VTI1A: variants seen among roughly 807,000 people sequenced by gnomAD.
The protein encoded by VTI1A is vesicle transport through interaction with t-SNAREs 1A.
In VTI1A, 22 loss-of-function variants were observed where a neutral mutation model predicts 34.9. The observed-to-expected ratio is 0.63, with a 90% CI of 0.45 to 0.90. The LOEUF (loss-of-function observed/expected upper bound fraction) is 0.90, where lower values mean the gene tolerates loss of function less well. VTI1A is among the 40% of genes least tolerant of loss of function. The pLI is 0.00. For missense variants in VTI1A, 268 were observed against 275.6 expected (o/e 0.97, Z 0.20); for synonymous variants, 87 against 97.3 (o/e 0.89, Z 0.62).
intron 3 of VTI1A, among the ~76,000 whole-genome samples, chr10:112,490,655 C>G (rs1317261696): frequency 6.8e-6 from 1 of 147,938 alleles, no homozygotes; most frequent in East Asian, 1.9e-4. Flanking sequence ...TGGCTCCTTT[C>G]CTTGATTGGC....
At chr10:112,725,121 G>A (rs1192685982) in intron 7 of VTI1A, among the ~76,000 whole-genome samples, 1 of 152,194 alleles carries the variant, frequency 6.6e-6, no homozygotes. Context: ...TTCACAAATA[G>A]CTGGACGGTT....
chr10:112,849,258 G>A, the VTI1A span, among the ~76,000 whole-genome samples: 2 of 152,372 alleles, frequency 1.3e-5, no homozygotes, highest in African/African-American at 4.8e-5. Flanking sequence ...ACTCCAAGTG[G>A]TGGCAGTGCC....
chr10:112,676,216 C>A (rs551259047), intron 7 of VTI1A, among the ~76,000 whole-genome samples: 2 of 151,302 alleles, frequency 1.3e-5, no homozygotes, highest in Non-Finnish European at 2.9e-5. Flanking sequence ...ATAATAAATC[C>A]CATCATCCTT....
chr10:112,737,016 GT>G, intron 7 of VTI1A: 1 of 527,278 alleles, frequency 1.9e-6, no homozygotes, highest in Non-Finnish European at 3.4e-6. Context: ...TTATGATTCT[GT>G]AATAATCAAG....
intron 5 of VTI1A, among the ~76,000 whole-genome samples, chr10:112,626,645 G>T (rs562160789): frequency 6.6e-6 from 1 of 151,878 alleles, no homozygotes; most frequent in Non-Finnish European, 1.5e-5. Flanking sequence ...AACTCTAGCC[G>T]CTTACAAAGG....
intron 5 of VTI1A, among the ~76,000 whole-genome samples, chr10:112,646,224 A>C (rs773271531): frequency 6.6e-6 from 1 of 152,140 alleles, no homozygotes; most frequent in Non-Finnish European, 1.5e-5. Context: ...TATTATGTGC[A>C]TTCTGAAAAA....
intron 7 of VTI1A, among the ~76,000 whole-genome samples, chr10:112,733,120 T>A (rs912592684): frequency 4.6e-5 from 7 of 152,258 alleles, no homozygotes; most frequent in Admixed American, 2.0e-4. Context: ...AGGAGATTCC[T>A]GGCACGTTCA....
intron 7 of VTI1A, among the ~76,000 whole-genome samples, chr10:112,684,056 A>AG (rs891474321): frequency 2.6e-5 from 4 of 152,072 alleles, no homozygotes; most frequent in East Asian, 3.9e-4. Context: ...AAAAAAAAAA[A>AG]CACCTCTTAT....
chr10:112,838,595 A>C, the VTI1A span, among the ~76,000 whole-genome samples: 1 of 152,088 alleles, frequency 6.6e-6, no homozygotes, highest in Non-Finnish European at 1.5e-5. Flanking sequence ...AGTAGGCAGG[A>C]CGGGAAGGAA....
intron 1 of VTI1A, among the ~76,000 whole-genome samples, chr10:112,453,462 AAG>A (rs77464720): frequency 0.3 from 46,017 of 151,996 alleles, 7,138 homozygotes; most frequent in African/African-American, 0.38. Context: ...TCTTTTATGT[AAG>A]AGAGATTTAT....
At chr10:112,697,399 CTT>C (rs57723783) in intron 7 of VTI1A, among the ~76,000 whole-genome samples, 3 of 114,026 alleles carry the variant, frequency 2.6e-5, no homozygotes, top group African/African-American at 4.1e-5. Context: ...CTTTTCTTTT[CTT>C]TTTTTTTTTT....
At chr10:112,645,850 CATTTATTT>C (rs1271744946) in intron 5 of VTI1A, among the ~76,000 whole-genome samples, 1 of 151,164 alleles carries the variant, frequency 6.6e-6, no homozygotes, top group Non-Finnish European at 1.5e-5. Flanking sequence ...TTCACTTGAT[CATTTATTT>C]ATTTATCCAT....
intron 5 of VTI1A, among the ~76,000 whole-genome samples, chr10:112,626,523 T>A (rs1405734327): frequency 6.6e-6 from 1 of 152,070 alleles, no homozygotes; most frequent in Non-Finnish European, 1.5e-5. Flanking sequence ...GACTACATCT[T>A]AATCTTCTTT....
In VTI1A at chr10:112,505,146, G is replaced by T. The variant is rs1214003354; in HGVS notation, c.265-21941G>T. Among the ~76,000 whole-genome samples the T allele has an allele frequency of 2.6e-5, 4 of 151,934 alleles. No homozygotes were observed. In the East Asian group the frequency reaches 7.7e-4, roughly 29 times the overall value. On this transcript the variant is annotated intron_variant, in intron 3 of 7. Coordinates refer to ENST00000393077, the MANE Select transcript of VTI1A (RefSeq NM_145206.4). ...GAACATTTTTGTTTTTTATATAGTTGAAATTATTACTCTTATATAGTTATG... is the reference window on the plus strand; with the variant it reads ...GAACATTTTTGTTTTTTATATAGTTTAAATTATTACTCTTATATAGTTATG...
At chr10:112,620,477 G>A (rs1316873129) in intron 5 of VTI1A, among the ~76,000 whole-genome samples, 1 of 152,048 alleles carries the variant, frequency 6.6e-6, no homozygotes, top group Admixed American at 6.6e-5. Context: ...GACTTGTGGC[G>A]GGGGCCAGTT....
chr10:112,701,520 A>G (rs1849009550), intron 7 of VTI1A, among the ~76,000 whole-genome samples: 1 of 152,212 alleles, frequency 6.6e-6, no homozygotes, highest in Non-Finnish European at 1.5e-5. Context: ...GCATTTCCCT[A>G]TGTTGAGGCT....
chr10:112,722,485 T>G (rs1379837535), intron 7 of VTI1A, among the ~76,000 whole-genome samples: 1 of 152,148 alleles, frequency 6.6e-6, no homozygotes, highest in East Asian at 1.9e-4. Flanking sequence ...ATTGTGCACA[T>G]GTACCCTAGA....
chr10:112,700,138 A>G (rs1271392823), intron 7 of VTI1A, among the ~76,000 whole-genome samples: 1 of 139,266 alleles, frequency 7.2e-6, no homozygotes, highest in East Asian at 1.9e-4. Flanking sequence ...AAAAAAAACA[A>G]AACAAAAAAA....
intron 4 of VTI1A, 33 bp downstream of exon 4, chr10:112,527,197 G>A (rs1198675762): frequency 6.2e-7 from 1 of 1,604,662 alleles, no homozygotes; most frequent in South Asian, 1.1e-5. Context: ...CCGGTGGGTG[G>A]CTGGAGGGTG....
Sources: gnomAD v4.1 joint callset for allele counts (sites outside exome capture counted in the v4.1 genomes callset) on GRCh38, gnomAD v4.1.1 for gene constraint, MANE v1.5 for transcripts, NCBI Gene and HGNC (gene_info 2026-07-23, HGNC 2026-07-21) for gene names.